Variants in GLRA2 observed in about 807,000 individuals in gnomAD.
The protein encoded by GLRA2 is glycine receptor subunit alpha-2.
GLRA2 carries 11 observed loss-of-function variants against 31.6 expected under a neutral mutation model. The ratio of observed to expected loss-of-function variants is 0.35; its 90% CI spans 0.22 to 0.58. GLRA2 has a LOEUF of 0.58. Among genes scored for constraint, GLRA2 ranks in the 20% least tolerant of loss-of-function variants. The pLI is 0.84. For synonymous variants in GLRA2, 132 were observed against 134.0 expected, an observed-to-expected ratio of 0.99 and a Z score of 0.10; for missense variants, 212 against 351.8, an observed-to-expected ratio of 0.60 and a Z score of 3.18.
At chrX:14,460,805 C>T in the GLRA2 span, among the ~76,000 whole-genome samples, 1 of 110,900 alleles carries the variant, frequency 9.0e-6, no homozygotes, top group Non-Finnish European at 1.9e-5. Context: ...TTCCAAAAAC[C>T]AGCTCCTGGA....
chrX:14,669,580 C>G (rs191384944), intron 7 of GLRA2, among the ~76,000 whole-genome samples: 1 of 111,862 alleles, frequency 8.9e-6, no homozygotes, highest in East Asian at 2.8e-4. Context: ...TTTGTACACT[C>G]ACAGGTTCAA....
chrX:14,646,355 G>A (rs1408710103), intron 7 of GLRA2, among the ~76,000 whole-genome samples: 2 of 111,734 alleles, frequency 1.8e-5, no homozygotes, highest in Admixed American at 9.5e-5. Flanking sequence ...ACTTGGTACT[G>A]GGCATTGTTT....
chrX:14,685,131 T>C (rs1295762461), intron 7 of GLRA2, among the ~76,000 whole-genome samples: 1 of 112,076 alleles, frequency 8.9e-6, no homozygotes, highest in Non-Finnish European at 1.9e-5. Context: ...TTGATTTGCA[T>C]ATGTTGAACC....
chrX:14,723,111 T>G (rs2091885451), intron 8 of GLRA2, among the ~76,000 whole-genome samples: 1 of 112,244 alleles, frequency 8.9e-6, no homozygotes, highest in African/African-American at 3.2e-5. Flanking sequence ...CCAGCTGAGA[T>G]CTCTCTGAGT....
chrX:14,471,733 G>A, the GLRA2 span, among the ~76,000 whole-genome samples: 2 of 112,365 alleles, frequency 1.8e-5, no homozygotes, highest in Non-Finnish European at 3.8e-5. Flanking sequence ...TTCACTGGAA[G>A]ATGGTTTTTC....
chrX:14,605,297 A>G (rs2090322950), intron 5 of GLRA2, among the ~76,000 whole-genome samples: 1 of 111,961 alleles, frequency 8.9e-6, no homozygotes, highest in Non-Finnish European at 1.9e-5. Flanking sequence ...AAAAAGAGGT[A>G]GTGACAGGGT....
chrX:14,586,480 A>G (rs187618084), intron 4 of GLRA2, among the ~76,000 whole-genome samples: 1 of 112,436 alleles, frequency 8.9e-6, no homozygotes, highest in Non-Finnish European at 1.9e-5. Context: ...TTTGATTTGT[A>G]AACCTTCTTC....
chrX:14,493,221 AT>A, the GLRA2 span, among the ~76,000 whole-genome samples: 18 of 110,844 alleles, frequency 1.6e-4, no homozygotes, highest in South Asian at 1.9e-3. Flanking sequence ...TGGAAAAAAA[AT>A]GTTTTTCTAT....
chrX:14,587,518 T>C lies in GLRA2; in HGVS notation c.494+6112T>C, dbSNP rs150917925. 8.2e-4 allele frequency among the ~76,000 whole-genome samples: 92 copies of C among 112,121 alleles called. No individual in the cohort carries two copies. The East Asian group carries it at 0.022, about 26-fold the overall frequency. ...AGATGGTATCTCATTGTGGTTTTGA[T>C]TTGCATTTCTCTAATGACCAGTGAT... is the stretch of plus-strand genomic sequence containing the variant. On this transcript the variant is annotated intron_variant, in intron 4 of 8. Coordinates refer to ENST00000218075, the MANE Select transcript of GLRA2 (RefSeq NM_002063.4).
chrX:14,721,820 G>A (rs1191960130), intron 8 of GLRA2, among the ~76,000 whole-genome samples: 1 of 111,494 alleles, frequency 9.0e-6, no homozygotes, highest in African/African-American at 3.3e-5. Context: ...GCAGCTAAAA[G>A]CCAAGCAGCA....
the GLRA2 span, among the ~76,000 whole-genome samples, chrX:14,495,173 C>T: frequency 2.7e-5 from 3 of 111,245 alleles, no homozygotes; most frequent in Admixed American, 9.6e-5. Flanking sequence ...ATAAATGGCC[C>T]ATTAGCCCTT....
At chrX:14,523,173 G>C in the GLRA2 span, among the ~76,000 whole-genome samples, 1 of 112,006 alleles carries the variant, frequency 8.9e-6, no homozygotes, top group South Asian at 3.7e-4. Context: ...ACTTACTCGA[G>C]CACGTTGCAT....
intron 1 of GLRA2, chrX:14,531,193 A>G: frequency 1.1e-6 from 1 of 884,869 alleles, no homozygotes; most frequent in South Asian, 2.1e-5. Context: ...GTATTTATGC[A>G]TGCTCATATC....
the GLRA2 span, among the ~76,000 whole-genome samples, chrX:14,477,057 G>A: frequency 9.0e-6 from 1 of 111,462 alleles, no homozygotes; most frequent in Non-Finnish European, 1.9e-5. Flanking sequence ...AGGAATGGTA[G>A]GCAATCATCC....
the GLRA2 span, among the ~76,000 whole-genome samples, chrX:14,452,525 A>G: frequency 8.9e-6 from 1 of 112,613 alleles, no homozygotes; most frequent in African/African-American, 3.2e-5. Context: ...ACACATAATC[A>G]AAGCATGGAC....
the GLRA2 span, among the ~76,000 whole-genome samples, chrX:14,484,704 C>T: frequency 1.8e-5 from 2 of 111,409 alleles, no homozygotes; most frequent in Admixed American, 9.5e-5. Context: ...CTAATGGCTT[C>T]GTGGACTTAG....
the GLRA2 span, among the ~76,000 whole-genome samples, chrX:14,484,087 T>G: frequency 9.0e-6 from 1 of 111,493 alleles, no homozygotes; most frequent in Admixed American, 9.6e-5. Context: ...TAATACTTAA[T>G]AAACTCGTAT....
chrX:14,495,588 GTA>G, the GLRA2 span, among the ~76,000 whole-genome samples: 4 of 107,336 alleles, frequency 3.7e-5, no homozygotes, highest in Admixed American at 1.0e-4. Flanking sequence ...GTGAGTGTGT[GTA>G]TATATATATA....
At chrX:14,450,917 G>A in the GLRA2 span, among the ~76,000 whole-genome samples, 1 of 111,027 alleles carries the variant, frequency 9.0e-6, no homozygotes, top group Non-Finnish European at 1.9e-5. Flanking sequence ...TGCCTTGTTG[G>A]ACAGGCTAGT....
Sources: allele counts gnomAD v4.1 joint callset (sites outside exome capture counted in the v4.1 genomes callset), GRCh38; gene constraint gnomAD v4.1.1; transcripts MANE v1.5; gene names NCBI Gene and HGNC (gene_info 2026-07-23, HGNC 2026-07-21).